The following NALF1 variants were observed in gnomAD, a reference collection of about 807,000 sequenced individuals.
NALF1 encodes NALCN channel auxiliary factor 1.
NALF1 carries 3 observed loss-of-function variants against 48.4 expected under a neutral mutation model. The observed-to-expected ratio is 0.06, with a 90% CI of 0.03 to 0.16. The LOEUF (loss-of-function observed/expected upper bound fraction) is 0.16. Ranked by LOEUF, NALF1 falls within the 10% of genes least tolerant of loss-of-function variation. NALF1 has a pLI of 1.00. For synonymous variants in NALF1, 262 were observed against 245.7 expected (o/e 1.07, Z -0.62); for missense variants, 526 against 571.5 (o/e 0.92, Z 0.81).
chr13:107,242,191 A>G (rs1257586765), intron 1 of NALF1, among the ~76,000 whole-genome samples: 3 of 152,324 alleles, frequency 2.0e-5, no homozygotes, highest in East Asian at 3.9e-4. Flanking sequence ...AGGGTCTTCG[A>G]CAATCCTTGA....
At chr13:107,346,539 C>A (rs1442676888) in intron 1 of NALF1, among the ~76,000 whole-genome samples, 1 of 152,132 alleles carries the variant, frequency 6.6e-6, no homozygotes, top group Non-Finnish European at 1.5e-5. Context: ...CTGCATGAAT[C>A]CTCTTATATA....
At chr13:107,297,294 G>A (rs1881744784) in intron 1 of NALF1, among the ~76,000 whole-genome samples, 1 of 152,120 alleles carries the variant, frequency 6.6e-6, no homozygotes, top group African/African-American at 2.4e-5. Flanking sequence ...ATGAATGTTT[G>A]CTAGAATGTT....
intron 1 of NALF1, among the ~76,000 whole-genome samples, chr13:107,490,567 G>A (rs1885399320): frequency 2.0e-5 from 3 of 152,156 alleles, no homozygotes; most frequent in Admixed American, 6.5e-5. Context: ...ATCATAGGGT[G>A]ATGGGTGGGA....
intron 1 of NALF1, among the ~76,000 whole-genome samples, chr13:107,337,043 C>CAAAAAA (rs60969406): frequency 7.8e-5 from 9 of 114,828 alleles, no homozygotes; most frequent in Non-Finnish European, 1.2e-4. Context: ...TTTCATTCCC[C>CAAAAAA]AAAAAAAAAA....
At chr13:107,572,431 C>T (rs918990090) in intron 1 of NALF1, among the ~76,000 whole-genome samples, 1 of 152,126 alleles carries the variant, frequency 6.6e-6, no homozygotes, top group African/African-American at 2.4e-5. Flanking sequence ...GCAGGGGTCA[C>T]TTGGCTCTCT....
At chr13:107,804,542 A>C (rs1878717120) in intron 1 of NALF1, among the ~76,000 whole-genome samples, 1 of 152,142 alleles carries the variant, frequency 6.6e-6, no homozygotes, top group African/African-American at 2.4e-5. Flanking sequence ...GACAGGGACA[A>C]CATCCCTCCA....
chr13:107,302,346 G>A (rs1489818221), intron 1 of NALF1, among the ~76,000 whole-genome samples: 1 of 152,198 alleles, frequency 6.6e-6, no homozygotes, highest in African/African-American at 2.4e-5. Flanking sequence ...ACAGAAAACA[G>A]ACTAAGACAG....
intron 1 of NALF1, among the ~76,000 whole-genome samples, chr13:107,779,922 G>T (rs1877837054): frequency 6.6e-6 from 1 of 151,910 alleles, no homozygotes; most frequent in Non-Finnish European, 1.5e-5. Flanking sequence ...TACGCTTCCT[G>T]GTCTTAAGCC....
At chr13:107,727,463 C>G (rs1876190406) in intron 1 of NALF1, among the ~76,000 whole-genome samples, 1 of 152,070 alleles carries the variant, frequency 6.6e-6, no homozygotes. Flanking sequence ...ACATGACAAC[C>G]CATACTCTGT....
chr13:107,784,726 C>G (rs2138581809), intron 1 of NALF1, among the ~76,000 whole-genome samples: 1 of 151,934 alleles, frequency 6.6e-6, no homozygotes, highest in Middle Eastern at 3.4e-3. Flanking sequence ...CAAGAATGGC[C>G]ATAATCAAAA....
intron 1 of NALF1, among the ~76,000 whole-genome samples, chr13:107,368,192 A>G (rs978311192): frequency 2.6e-5 from 4 of 152,210 alleles, no homozygotes; most frequent in Non-Finnish European, 5.9e-5. Context: ...TATAACACCA[A>G]TATGGCAGTA....
At chr13:107,404,458 C>G (rs930167515) in intron 1 of NALF1, among the ~76,000 whole-genome samples, 14 of 151,918 alleles carry the variant, frequency 9.2e-5, no homozygotes, top group Admixed American at 6.6e-5. Context: ...ACACAAACCA[C>G]TGAAAGCATT....
intron 1 of NALF1, among the ~76,000 whole-genome samples, chr13:107,489,994 C>T (rs1427661158): frequency 6.6e-6 from 1 of 152,162 alleles, no homozygotes; most frequent in Non-Finnish European, 1.5e-5. Context: ...ATCTCAACAT[C>T]ACTGATCATT....
chr13:107,754,206 C>A (rs76067161), intron 1 of NALF1, among the ~76,000 whole-genome samples: 2,344 of 152,198 alleles, frequency 0.015, 66 homozygotes, highest in African/African-American at 0.052. Context: ...TGTACTTATT[C>A]AGTAAAGGTG....
chr13:107,715,925 T>A (rs1213287828), intron 1 of NALF1, among the ~76,000 whole-genome samples: 2 of 152,168 alleles, frequency 1.3e-5, no homozygotes, highest in Non-Finnish European at 2.9e-5. Context: ...CATGTGTCAC[T>A]CCAGAGAGAG....
intron 1 of NALF1, among the ~76,000 whole-genome samples, chr13:107,392,679 A>G (rs1025608163): frequency 8.0e-4 from 122 of 151,792 alleles, no homozygotes; most frequent in Non-Finnish European, 1.6e-3. Flanking sequence ...TTCTCCAAGC[A>G]TGTGTGTGTG....
intron 1 of NALF1, among the ~76,000 whole-genome samples, chr13:107,752,670 C>T (rs1876973136): frequency 6.6e-6 from 1 of 152,138 alleles, no homozygotes; most frequent in Admixed American, 6.6e-5. Context: ...TTCTGAAGGT[C>T]AATCTAGTTT....
At chr13:107,561,797 G>A (rs1267598835) in intron 1 of NALF1, among the ~76,000 whole-genome samples, 1 of 152,138 alleles carries the variant, frequency 6.6e-6, no homozygotes, top group African/African-American at 2.4e-5. Context: ...TAGGACTCAT[G>A]GTAAACCTGT....
At chr13:107,228,860 A>G (rs1454660582) in intron 1 of NALF1, among the ~76,000 whole-genome samples, 1 of 152,042 alleles carries the variant, frequency 6.6e-6, no homozygotes, top group African/African-American at 2.4e-5. Flanking sequence ...ATCTCAGGTA[A>G]TCCACCCGCC....
Sources: allele counts gnomAD v4.1 joint callset (sites outside exome capture counted in the v4.1 genomes callset), GRCh38; gene constraint gnomAD v4.1.1; transcripts MANE v1.5; gene names NCBI Gene and HGNC (gene_info 2026-07-23, HGNC 2026-07-21).